GLI3: variants seen among roughly 807,000 people sequenced by gnomAD.
GLI3 encodes transcription activator GLI3.
GLI3 carries 20 observed loss-of-function variants against 100.8 expected under a neutral mutation model. The observed-to-expected ratio is 0.20, with a 90% confidence interval of 0.14 to 0.29. GLI3 has a LOEUF of 0.29. Among genes scored for constraint, GLI3 ranks in the 10% least tolerant of loss-of-function variants. The probability of loss-of-function intolerance (pLI) is 1.00; values close to 1 mark genes in which losing one functional copy is unlikely to be tolerated. For missense variants in GLI3, 2,040 were observed against 2,128.5 expected (o/e 0.96, Z 0.82); for synonymous variants, 938 against 860.5 (o/e 1.09, Z -1.58).
intron 10 of GLI3, among the ~76,000 whole-genome samples, chr7:42,003,766 AATT>A (rs1329383219): frequency 6.6e-6 from 1 of 152,208 alleles, no homozygotes; most frequent in African/African-American, 2.4e-5. Flanking sequence ...TCCAGGAGCA[AATT>A]ATTATGCTAC....
intron 3 of GLI3, among the ~76,000 whole-genome samples, chr7:42,106,989 A>G (rs185909473): frequency 1.3e-5 from 2 of 152,208 alleles, no homozygotes; most frequent in East Asian, 3.9e-4. Context: ...TGTAGTAATT[A>G]AAGACTGTGA....
intron 3 of GLI3, among the ~76,000 whole-genome samples, chr7:42,144,336 C>T (rs73327512): frequency 2.6e-5 from 4 of 152,054 alleles, no homozygotes; most frequent in African/African-American, 4.8e-5. Flanking sequence ...AATTATAAAG[C>T]GCCAGTGATC....
In GLI3 at chr7:42,023,501, C is replaced by T. The variant is rs777294193; in HGVS notation, c.1464G>A (p.Ala488=). 28 of 1,614,138 alleles carry T rather than the reference C, an allele frequency of 1.7e-5. No homozygotes were observed. The East Asian group carries it at 5.1e-4, about 30-fold the overall frequency. ...YETNCHWEGC[A]REFDTQEQLV... Reference sequence around the variant, plus strand: ...GCTGCTCTTGGGTGTCGAACTCCCTCGCGCAGCCTTCCCAGTGGCAGTTTG... The same window carrying T: ...GCTGCTCTTGGGTGTCGAACTCCCTTGCGCAGCCTTCCCAGTGGCAGTTTG... Residue 488 remains alanine, a synonymous_variant, in exon 10 of 15, where the codon GCG becomes GCA. Transcript: ENST00000395925.
chr7:42,157,258 A>C (rs1469766064), intron 2 of GLI3, among the ~76,000 whole-genome samples: 1 of 152,242 alleles, frequency 6.6e-6, no homozygotes, highest in Non-Finnish European at 1.5e-5. Context: ...TGAGAAACCC[A>C]AATGAAAATA....
chr7:42,195,538 T>G (rs1787911923), intron 2 of GLI3, among the ~76,000 whole-genome samples: 1 of 152,180 alleles, frequency 6.6e-6, no homozygotes, highest in Non-Finnish European at 1.5e-5. Context: ...CTTGCATACC[T>G]CTTCTTCCAG....
intron 10 of GLI3, among the ~76,000 whole-genome samples, chr7:42,014,184 C>T (rs561605094): frequency 7.6e-4 from 116 of 152,306 alleles, no homozygotes; most frequent in Non-Finnish European, 9.4e-4. Context: ...CTGATGCTGG[C>T]TCAAGCCATT....
intron 2 of GLI3, among the ~76,000 whole-genome samples, chr7:42,208,839 C>A (rs752848057): frequency 2.0e-5 from 3 of 152,138 alleles, no homozygotes; most frequent in Non-Finnish European, 2.9e-5. Context: ...CCACACACAT[C>A]TTCTTCCAGG....
At position 41,962,163 on chromosome 7, in the gene GLI3, G is replaced by A. The variant is rs1787028736; in HGVS notation, c.*2167C>T. 1 of 152,208 alleles carries A rather than the reference G, an allele frequency of 6.6e-6. No homozygotes were observed. The highest frequency in any genetic ancestry group is 1.5e-5 in the Non-Finnish European group (1 of 68,078). The allele number at this position is 152,208 out of a possible 1,614,324, so 9.4% of individuals were successfully genotyped here. ...GTTGCATCCGAGAATACTACTGGAA[G>A]AGCCCTCTGATGGAGGAGGTCAGCA... is the stretch of plus-strand genomic sequence containing the variant. On this transcript the variant is annotated 3_prime_UTR_variant, in exon 15 of 15. Transcript: ENST00000395925.
chr7:42,030,071 C>G (rs1789241709), intron 7 of GLI3, among the ~76,000 whole-genome samples: 1 of 152,162 alleles, frequency 6.6e-6, no homozygotes, highest in African/African-American at 2.4e-5. Flanking sequence ...TTCTGGAAGT[C>G]AGAAGTCTGC....
chr7:42,049,025 C>A (rs1426961256), intron 4 of GLI3, among the ~76,000 whole-genome samples: 3 of 151,958 alleles, frequency 2.0e-5, no homozygotes, highest in Non-Finnish European at 2.9e-5. Context: ...AAAGTGGTTG[C>A]TACAATTGTA....
intron 4 of GLI3, among the ~76,000 whole-genome samples, chr7:42,074,529 A>G (rs1454048733): frequency 6.6e-6 from 1 of 152,236 alleles, no homozygotes; most frequent in Non-Finnish European, 1.5e-5. Context: ...CCCTTAAATT[A>G]GGCCTTGAGG....
rs776107503 is a variant in GLI3 at position 41,972,485 on chromosome 7, G to A, written c.1955C>T (p.Pro652Leu). 5 of 1,613,632 alleles carry A rather than the reference G, an allele frequency of 3.1e-6. No homozygotes were observed. In the South Asian group the frequency reaches 4.4e-5, roughly 14 times the overall value. Residue 652 changes from proline (P) to leucine (L), a missense_variant, in exon 13 of 15, where the codon CCC becomes CTC. By Grantham distance (98) the Pro-to-Leu change is moderately conservative (BLOSUM62 -3). Coordinates refer to ENST00000395925, the MANE Select transcript of GLI3 (RefSeq NM_000168.6). The surrounding 1 kb of genome is among the most constrained non-coding windows in gnomAD (Gnocchi z 4.4). ...TGAATGGCTGCCGGAATCTCTCGGG[G>A]GTGGCGGCCGAGGATGGATGTCCCC... ...QRGDIHPRPP[P>L]PRDSGSHSQS...
intron 2 of GLI3, among the ~76,000 whole-genome samples, chr7:42,183,644 G>C (rs907252528): frequency 6.6e-6 from 1 of 152,132 alleles, no homozygotes; most frequent in Non-Finnish European, 1.5e-5. Context: ...TCCCTACACC[G>C]CCGTCAAATA....
chr7:42,155,857 G>A (rs1786990103), intron 2 of GLI3, among the ~76,000 whole-genome samples: 1 of 152,130 alleles, frequency 6.6e-6, no homozygotes, highest in Non-Finnish European at 1.5e-5. Context: ...ACAATGATGA[G>A]CAGATAACAC....
At chr7:41,970,689 A>G (rs1787340813) in intron 13 of GLI3, among the ~76,000 whole-genome samples, 1 of 152,200 alleles carries the variant, frequency 6.6e-6, no homozygotes, top group African/African-American at 2.4e-5. Flanking sequence ...TTGAAGAGAA[A>G]ATGACAATTT....
intron 10 of GLI3, among the ~76,000 whole-genome samples, chr7:41,979,808 T>C (rs1332360426): frequency 2.0e-5 from 3 of 152,154 alleles, no homozygotes; most frequent in African/African-American, 7.2e-5. Flanking sequence ...AAAACTTCGT[T>C]CAATAAGAGA....
chr7:41,973,972 C>T (rs1787434861), intron 12 of GLI3, among the ~76,000 whole-genome samples: 1 of 152,180 alleles, frequency 6.6e-6, no homozygotes, highest in Non-Finnish European at 1.5e-5. Context: ...GGACAAAAGA[C>T]TGGCTCTGAT....
intron 3 of GLI3, among the ~76,000 whole-genome samples, chr7:42,082,581 C>T (rs1785019224): frequency 1.3e-5 from 2 of 152,136 alleles, no homozygotes; most frequent in Non-Finnish European, 1.5e-5. Flanking sequence ...ATCCCCACAG[C>T]ATCACCTCAT....
At chr7:42,049,004 C>T (rs1248267566) in intron 4 of GLI3, among the ~76,000 whole-genome samples, 1 of 152,092 alleles carries the variant, frequency 6.6e-6, no homozygotes, top group Non-Finnish European at 1.5e-5. Flanking sequence ...AAATAACAGG[C>T]AACTGGGCTT....
Sources: gnomAD v4.1 joint callset for allele counts (sites outside exome capture counted in the v4.1 genomes callset) on GRCh38, gnomAD v4.1.1 for gene constraint, Gnocchi (gnomAD v3.1) non-coding constraint, MANE v1.5 for transcripts, NCBI Gene and HGNC (gene_info 2026-07-23, HGNC 2026-07-21) for gene names.